The following ADAM17 variants were observed in gnomAD, a reference collection of about 807,000 sequenced individuals.
The protein encoded by ADAM17 is disintegrin and metalloproteinase domain-containing protein 17.
Under a neutral mutation model 96.7 loss-of-function variants are expected in ADAM17, and 39 were observed. The observed-to-expected ratio is 0.40, with a 90% CI of 0.31 to 0.53. The LOEUF is 0.53. Ranked by LOEUF, ADAM17 falls within the 20% of genes least tolerant of loss-of-function variation. ADAM17 has a pLI of 0.44. For missense variants in ADAM17, 777 were observed against 1,013.2 expected (o/e 0.77, Z 3.17); for synonymous variants, 344 against 359.2 (o/e 0.96, Z 0.48).
At chr2:9,525,960 C>A in intron 6 of ADAM17, 151 bp downstream of exon 6, 2 of 778,138 alleles carry the variant, frequency 2.6e-6, no homozygotes, top group South Asian at 3.4e-5. Flanking sequence ...CTATAATTTC[C>A]ATACAGTAAC....
At chr2:9,535,618 T>A (rs1234678562) in intron 4 of ADAM17, among the ~76,000 whole-genome samples, 1 of 152,204 alleles carries the variant, frequency 6.6e-6, no homozygotes, top group Non-Finnish European at 1.5e-5. Context: ...ATCCCACATG[T>A]AACTCTCTCA....
intron 7 of ADAM17, among the ~76,000 whole-genome samples, chr2:9,522,944 A>G (rs183847277): frequency 3.3e-4 from 51 of 152,296 alleles, no homozygotes; most frequent in Non-Finnish European, 6.5e-4. Flanking sequence ...TTAACTAAAG[A>G]CTTAAGCATA....
chr2:9,549,296 G>A (rs1034227148), intron 1 of ADAM17, among the ~76,000 whole-genome samples: 4 of 152,088 alleles, frequency 2.6e-5, no homozygotes, highest in Non-Finnish European at 4.4e-5. Flanking sequence ...GCTTGAACCC[G>A]GGTGGCAGAG....
At chr2:9,494,505 G>A (rs528869164) in intron 15 of ADAM17, 132 bp downstream of exon 15, 17 of 1,037,168 alleles carry the variant, frequency 1.6e-5, no homozygotes, top group Admixed American at 9.9e-5. Context: ...AGTAATACCC[G>A]TAGATAACAA....
chr2:9,537,699 G>C (rs1194216147), intron 2 of ADAM17, among the ~76,000 whole-genome samples: 1 of 151,510 alleles, frequency 6.6e-6, no homozygotes, highest in Non-Finnish European at 1.5e-5. Flanking sequence ...CAGCCTGGTT[G>C]ACAGCGCGAG....
At chr2:9,525,878 C>A (rs557835332) in intron 6 of ADAM17, among the ~76,000 whole-genome samples, 70 of 152,300 alleles carry the variant, frequency 4.6e-4, no homozygotes, top group African/African-American at 1.7e-3. Flanking sequence ...CTCTCCCAAA[C>A]CCTATATGCA....
intron 10 of ADAM17, among the ~76,000 whole-genome samples, chr2:9,513,002 C>CT (rs373688489): frequency 1.7e-4 from 25 of 149,328 alleles, no homozygotes; most frequent in East Asian, 7.9e-4. Flanking sequence ...TGTATCCTTT[C>CT]TTTTTTTTTT....
intron 15 of ADAM17, 113 bp from the exon 16 acceptor site, chr2:9,493,938 T>G: frequency 1.2e-6 from 1 of 824,334 alleles, no homozygotes; most frequent in Non-Finnish European, 1.9e-6. Flanking sequence ...ATCAAACGTT[T>G]TCCCATCTTT....
chr2:9,518,259 CAAAAAAAA>C lies in ADAM17; in HGVS notation c.958-20_958-13del, dbSNP rs34863481. 106 of 817,138 alleles carry C rather than the reference CAAAAAAAA, an allele frequency of 1.3e-4. No individual in the cohort carries two copies. The highest frequency in any genetic ancestry group is 5.4e-4 in the South Asian group (12 of 22,392). The allele number at this position is 817,138 out of a possible 1,614,324, so 50.6% of individuals were successfully genotyped here. A position where few individuals can be genotyped will look rare whatever the true frequency, so the allele number is the denominator to read the frequency against. On this transcript the variant is annotated splice_polypyrimidine_tract_variant and intron_variant, in intron 8 of 18. Transcript: ENST00000310823. ...TCAAAGCTAAATTGCTTTGAAAGAC[CAAAAAAAA>C]AAAAAAAAAAAAAAGCATTCTTAGA... is the stretch of plus-strand genomic sequence containing the variant.
intron 7 of ADAM17, 131 bp from the exon 8 acceptor site, chr2:9,521,447 A>C: frequency 1.8e-6 from 1 of 565,756 alleles, no homozygotes; most frequent in Non-Finnish European, 3.0e-6. Context: ...AAAATTCATA[A>C]ATTCTTCAGT....
intron 4 of ADAM17, among the ~76,000 whole-genome samples, chr2:9,533,855 C>T (rs1023473349): frequency 6.6e-6 from 1 of 152,188 alleles, no homozygotes. Context: ...TAACCCACAT[C>T]AAGCCACAGG....
chr2:9,514,525 ATATATATATATATATATATAT>A (rs1663939220), intron 10 of ADAM17, among the ~76,000 whole-genome samples: 1 of 5,722 alleles, frequency 1.7e-4, no homozygotes, highest in African/African-American at 7.6e-4. Flanking sequence ...ATAAATATAT[ATATATATATATATATATATAT>A]ATATATATAT....
Position 9,491,184 on chromosome 2 carries a change from CAAAT to C in ADAM17, c.2083-37_2083-34del. The C allele has an allele frequency of 6.3e-6, 10 of 1,591,880 alleles. No homozygotes were observed. The African/African-American group carries it at 1.1e-4, about 17-fold the overall frequency. On this transcript the variant is annotated intron_variant, in intron 17 of 18. Transcript: ENST00000310823. ...GAAACAGCAAGAAGGTCATTCCCTA[CAAAT>C]ACAATTCAGTTAGTGAGTACTATTT...
chr2:9,529,409 C>T (rs932851056), intron 4 of ADAM17, among the ~76,000 whole-genome samples: 1 of 151,966 alleles, frequency 6.6e-6, no homozygotes, highest in South Asian at 2.1e-4. Flanking sequence ...TGAGATCATG[C>T]CACTGCACTC....
chr2:9,540,191 C>A (rs1357137159), intron 2 of ADAM17, among the ~76,000 whole-genome samples: 3 of 152,166 alleles, frequency 2.0e-5, no homozygotes, highest in Admixed American at 6.5e-5. Context: ...ACTTTGAGTT[C>A]TTTTCATTTT....
At chr2:9,492,533 A>T (rs149519495) in intron 17 of ADAM17, among the ~76,000 whole-genome samples, 1 of 152,308 alleles carries the variant, frequency 6.6e-6, no homozygotes, top group African/African-American at 2.4e-5. Context: ...GAACATCTGA[A>T]ATGCCGATGT....
intron 7 of ADAM17, 128 bp from the exon 8 acceptor site, chr2:9,521,444 A>G: frequency 1.7e-6 from 1 of 602,542 alleles, no homozygotes; most frequent in Non-Finnish European, 2.8e-6. Flanking sequence ...ACCAAAATTC[A>G]TAAATTCTTC....
chr2:9,539,899 A>C (rs1386624523), intron 2 of ADAM17, among the ~76,000 whole-genome samples: 1 of 152,222 alleles, frequency 6.6e-6, no homozygotes. Context: ...TTGGGGATTA[A>C]AGGAAATAAC....
chr2:9,508,981 C>T (rs913378743), intron 11 of ADAM17, among the ~76,000 whole-genome samples: 1 of 112,992 alleles, frequency 8.9e-6, no homozygotes, highest in Non-Finnish European at 2.1e-5. Context: ...AGAAAATATA[C>T]ATAAAAAGCC....
Sources: gnomAD v4.1 joint callset for allele counts (sites outside exome capture counted in the v4.1 genomes callset) on GRCh38, gnomAD v4.1.1 for gene constraint, MANE v1.5 for transcripts, NCBI Gene and HGNC (gene_info 2026-07-23, HGNC 2026-07-21) for gene names.